Variants in ZNRF3 observed in about 807,000 individuals in gnomAD.
ZNRF3 encodes the protein zinc and ring finger 3.
A neutral mutation model predicts 72.5 loss-of-function variants in ZNRF3; 23 were observed. That is an observed-to-expected ratio of 0.32 (90% CI 0.23 to 0.45). The LOEUF is 0.45. Ranked by LOEUF, ZNRF3 falls within the 20% of genes least tolerant of loss-of-function variation. The pLI, the probability that ZNRF3 is intolerant of heterozygous loss-of-function variation, is 1.00. For missense variants in ZNRF3, 1,169 were observed against 1,272.1 expected (o/e 0.92, Z 1.23); for synonymous variants, 610 against 545.3 (o/e 1.12, Z -1.65).
intron 1 of ZNRF3, among the ~76,000 whole-genome samples, chr22:28,983,739 T>G (rs1017136675): frequency 2.6e-5 from 4 of 152,246 alleles, no homozygotes; most frequent in Non-Finnish European, 4.4e-5. Context: ...TTAGCATCTC[T>G]CAACGTGTGT....
At chr22:29,009,058 G>A (rs1435099526) in intron 2 of ZNRF3, among the ~76,000 whole-genome samples, 1 of 152,104 alleles carries the variant, frequency 6.6e-6, no homozygotes, top group South Asian at 2.1e-4. Context: ...ACAGCACTCC[G>A]GCCTCCCTCC....
chr22:28,937,587 AC>A (rs1468652992), intron 1 of ZNRF3, among the ~76,000 whole-genome samples: 3 of 152,060 alleles, frequency 2.0e-5, no homozygotes, highest in Non-Finnish European at 4.4e-5. Context: ...CATCTGCCCC[AC>A]CTCTAGAGTG....
At chr22:29,051,832 G>T (rs560818982) in intron 8 of ZNRF3, among the ~76,000 whole-genome samples, 1 of 150,070 alleles carries the variant, frequency 6.7e-6, no homozygotes, top group South Asian at 2.1e-4. Flanking sequence ...CTGAACCTGG[G>T]AGGCGGAGGT....
chr22:29,006,346 T>G (rs1292005590), intron 2 of ZNRF3, among the ~76,000 whole-genome samples: 1 of 151,518 alleles, frequency 6.6e-6, no homozygotes, highest in Non-Finnish European at 1.5e-5. Context: ...CCTGAGTAGC[T>G]GGACTTACAG....
At chr22:28,944,186 C>T (rs535340611) in intron 1 of ZNRF3, among the ~76,000 whole-genome samples, 2 of 152,278 alleles carry the variant, frequency 1.3e-5, no homozygotes, top group Admixed American at 6.5e-5. Context: ...CTTAAAAATA[C>T]TCATACCCCG....
rs556685733 is a variant in ZNRF3, at chr22:28,935,080, G to A, written c.300+51014G>A. 1.9e-3 allele frequency among the ~76,000 whole-genome samples: 286 copies of A among 152,330 alleles called. 14 individuals carry two copies. The South Asian group carries it at 0.058, about 31-fold the overall frequency. ...ATGGCTTGTAATTCAGGCATTTAGC[G>A]TAAGCTGCTGGGTTTCACTTTTCTT... is the stretch of plus-strand genomic sequence containing the variant. On this transcript the variant is annotated intron_variant, in intron 1 of 8. Transcript: ENST00000544604.
intron 2 of ZNRF3, among the ~76,000 whole-genome samples, chr22:28,994,674 G>T (rs538975473): frequency 6.6e-6 from 1 of 152,072 alleles, no homozygotes; most frequent in African/African-American, 2.4e-5. Flanking sequence ...GGATGACAGC[G>T]TGAATATGCT....
At position 29,044,760 on chromosome 22, in the gene ZNRF3, G is replaced by A. The variant is rs764593317; in HGVS notation, c.634-20G>A. 4 of 1,568,252 alleles carry A rather than the reference G, an allele frequency of 2.6e-6. No homozygotes were observed. The highest frequency in any genetic ancestry group is 2.7e-5 in the African/African-American group (2 of 73,950). ...GGCTGGAGAGAGGCTGTGACTCACTGTGTCTGTGTTCCGTTCCAGCAACCC... is the reference window on the plus strand; with the variant it reads ...GGCTGGAGAGAGGCTGTGACTCACTATGTCTGTGTTCCGTTCCAGCAACCC... On this transcript the variant is annotated intron_variant, in intron 4 of 8. Transcript: ENST00000544604.
At chr22:29,003,067 T>C (rs978995612) in intron 2 of ZNRF3, among the ~76,000 whole-genome samples, 2 of 152,266 alleles carry the variant, frequency 1.3e-5, no homozygotes, top group Non-Finnish European at 2.9e-5. Flanking sequence ...GCACCCCATT[T>C]TTCCTGTTAT....
chr22:29,034,825 TGGTGAGGACAGG>T (rs1251324690), intron 2 of ZNRF3, among the ~76,000 whole-genome samples: 1 of 152,164 alleles, frequency 6.6e-6, no homozygotes, highest in Non-Finnish European at 1.5e-5. Flanking sequence ...GATGTGTGCT[TGGTGAGGACAGG>T]GGTCTGTGAC....
Position 29,050,085 on chromosome 22 carries a change from C to G in ZNRF3, c.1904C>G (p.Ala635Gly). 1.2e-6 allele frequency: 2 copies of G among 1,607,748 alleles called. No homozygotes were observed. Among genetic ancestry groups the G allele is most frequent in the Non-Finnish European group, 1.7e-6 (2 of 1,178,454 alleles). ...EGSPPPEELP[A>G]VHSHGAGRGE... ...TCCCCGCCTCCCGAGGAGCTCCCGG[C>G]GGTGCACAGTCATGGTGCTGGGCGG... The change falls in exon 8 of 9, where the codon GCG (alanine) becomes GGG (glycine). Residue 635 changes from alanine (A) to glycine (G), a missense_variant. Physicochemically the swap from Ala to Gly is moderately conservative, Grantham distance 60. This residue lies in a region of ZNRF3 where 783 missense variants were observed against 731.4 expected (regional missense o/e 1.07). Transcript: ENST00000544604.
chr22:28,966,715 T>A (rs933048169), intron 1 of ZNRF3, among the ~76,000 whole-genome samples: 2 of 152,112 alleles, frequency 1.3e-5, no homozygotes, highest in African/African-American at 4.8e-5. Flanking sequence ...ATGTGTTTCT[T>A]ATTAGAGTGT....
At chr22:29,034,635 C>T (rs1025094276) in intron 2 of ZNRF3, among the ~76,000 whole-genome samples, 14 of 152,174 alleles carry the variant, frequency 9.2e-5, no homozygotes, top group African/African-American at 2.7e-4. Flanking sequence ...CAAAGGACAC[C>T]GACCAGGAAA....
chr22:28,924,253 A>G (rs2034561529), intron 1 of ZNRF3, among the ~76,000 whole-genome samples: 1 of 152,208 alleles, frequency 6.6e-6, no homozygotes, highest in Non-Finnish European at 1.5e-5. Context: ...GAATGCTGCA[A>G]GTGACTAGAA....
chr22:29,027,270 T>G (rs1039041977), intron 2 of ZNRF3, among the ~76,000 whole-genome samples: 3 of 120,418 alleles, frequency 2.5e-5, no homozygotes, highest in African/African-American at 8.3e-5. Context: ...ATTTTTGAGA[T>G]GAAGTCTCAC....
intron 1 of ZNRF3, among the ~76,000 whole-genome samples, chr22:28,947,328 G>A (rs2035071120): frequency 6.6e-6 from 1 of 152,150 alleles, no homozygotes; most frequent in Non-Finnish European, 1.5e-5. Flanking sequence ...GAATGTTCAT[G>A]TACAGCTTAT....
chr22:28,922,229 A>G (rs2034524031), intron 1 of ZNRF3, among the ~76,000 whole-genome samples: 2 of 152,296 alleles, frequency 1.3e-5, no homozygotes, highest in South Asian at 4.1e-4. Flanking sequence ...TTTAACCTTT[A>G]CTTTAAATCG....
chr22:29,053,238 C>T (rs1351175007), intron 8 of ZNRF3, among the ~76,000 whole-genome samples: 2 of 152,214 alleles, frequency 1.3e-5, no homozygotes, highest in Non-Finnish European at 2.9e-5. Context: ...TGCTAAATTA[C>T]TTTGTCTCAA....
intron 1 of ZNRF3, among the ~76,000 whole-genome samples, chr22:28,886,214 T>G (rs565057646): frequency 2.2e-4 from 34 of 152,356 alleles, no homozygotes; most frequent in African/African-American, 7.7e-4. Context: ...TTTTATGAGT[T>G]CTGCAAATAC....
Sources: gnomAD v4.1 joint callset for allele counts (sites outside exome capture counted in the v4.1 genomes callset) on GRCh38, gnomAD v4.1.1 for gene constraint, gnomAD v4.1.1 regional missense constraint, MANE v1.5 for transcripts, NCBI Gene and HGNC (gene_info 2026-07-23, HGNC 2026-07-21) for gene names.